ZNF335: variants seen among roughly 807,000 people sequenced by gnomAD.
ZNF335 encodes NRC-interacting factor 1.
ZNF335 carries 84 observed loss-of-function variants against 145.6 expected under a neutral mutation model. The observed-to-expected ratio is 0.58, with a 90% CI of 0.48 to 0.69. The LOEUF is 0.69. Ranked by LOEUF, ZNF335 falls within the 30% of genes least tolerant of loss-of-function variation. The pLI is 0.00. For missense variants in ZNF335, 1,865 were observed against 1,809.7 expected (o/e 1.03, Z -0.55); for synonymous variants, 761 against 717.0 (o/e 1.06, Z -0.98).
intron 17 of ZNF335, among the ~76,000 whole-genome samples, chr20:45,955,347 T>G (rs2083708971): frequency 4.7e-4 from 1 of 2,114 alleles, no homozygotes; most frequent in Non-Finnish European, 4.4e-3. Context: ...CAAGACTCTG[T>G]CTCAAAAAAA....
intron 18 of ZNF335, 122 bp downstream of exon 18, chr20:45,953,567 A>C (rs372183003): frequency 9.2e-6 from 12 of 1,303,440 alleles, no homozygotes; most frequent in Admixed American, 2.1e-5. Flanking sequence ...CTCCACCACT[A>C]ATCACTTGAT....
Position 45,952,525 on chromosome 20 carries a change from T to C in ZNF335, c.2815-4A>G. 6.3e-7 allele frequency: 1 copy of C among 1,595,544 alleles called. No individual in the cohort carries two copies. The highest frequency in any genetic ancestry group is 1.1e-5 in the South Asian group (1 of 88,244). ...AGATGGAGCCATCTGCGGTGAGCTG[T>C]AGAGAGACAGGGAGCATGAGGTACT... On this transcript the variant is annotated splice_region_variant and splice_polypyrimidine_tract_variant and intron_variant, in intron 19 of 27. Transcript: ENST00000322927.
At position 45,948,784 on chromosome 20, in the gene ZNF335, C is replaced by T. The variant is rs2083571917; in HGVS notation, c.*169G>A. ...GCACCCAGCATGTCCTGGCTGGGGC[C>T]CATGGCTGCCCCTAACCCCAACAGC... is the stretch of plus-strand genomic sequence containing the variant. On this transcript the variant is annotated 3_prime_UTR_variant, in exon 28 of 28. Coordinates refer to ENST00000322927, the MANE Select transcript of ZNF335 (RefSeq NM_022095.4). 9.4e-7 allele frequency: 1 copy of T among 1,061,802 alleles called. No homozygotes were observed. Among genetic ancestry groups the T allele is most frequent in the Non-Finnish European group, 1.4e-6 (1 of 733,260 alleles). 65.8% of individuals were successfully genotyped at this position (1,061,802 alleles called of 1,614,324 possible).
At chr20:45,957,739 C>T (rs1405309627) in intron 16 of ZNF335, 59 bp from the exon 17 acceptor site, 1 of 1,605,208 alleles carries the variant, frequency 6.2e-7, no homozygotes, top group Admixed American at 1.7e-5. Flanking sequence ...CCAATACCAC[C>T]CCCTCCCCAT....
intron 6 of ZNF335, 88 bp from the exon 7 acceptor site, chr20:45,965,862 C>T (rs2083943370): frequency 7.0e-7 from 1 of 1,424,096 alleles, no homozygotes; most frequent in African/African-American, 1.5e-5. Context: ...TTCCCTACCC[C>T]TGCATACTCC....
chr20:45,960,974 C>T (rs2083833172), intron 10 of ZNF335, 92 bp from the exon 11 acceptor site: 5 of 1,534,728 alleles, frequency 3.3e-6, no homozygotes, highest in Non-Finnish European at 3.5e-6. Context: ...CAGCTATGAG[C>T]CTACTCCCTG....
chr20:45,956,138 T>C (rs1338877231), intron 17 of ZNF335, among the ~76,000 whole-genome samples: 2 of 152,224 alleles, frequency 1.3e-5, no homozygotes, highest in Non-Finnish European at 2.9e-5. Flanking sequence ...GAAATTCTTC[T>C]GAACCCATTT....
chr20:45,972,090 G>A lies in ZNF335; in HGVS notation c.-51+32C>T, dbSNP rs763341444. 3.2e-5 allele frequency: 41 copies of A among 1,288,448 alleles called. No homozygotes were observed. In the African/African-American group the frequency reaches 5.3e-4, roughly 17 times the overall value. 79.8% of individuals were successfully genotyped at this position (1,288,448 alleles called of 1,614,324 possible). ...GTGACCTCACTCCACGGCAGGGTACGGTGGGGCCGCCTAACTCTACCCGAA... is the reference window on the plus strand; with the variant it reads ...GTGACCTCACTCCACGGCAGGGTACAGTGGGGCCGCCTAACTCTACCCGAA... On this transcript the variant is annotated intron_variant, in intron 1 of 27. Coordinates refer to ENST00000322927, the MANE Select transcript of ZNF335 (RefSeq NM_022095.4).
intron 17 of ZNF335, among the ~76,000 whole-genome samples, chr20:45,954,377 T>C (rs2083688882): frequency 6.6e-6 from 1 of 152,150 alleles, no homozygotes; most frequent in African/African-American, 2.4e-5. Flanking sequence ...GACAAATCAC[T>C]TAGAAAAAAG....
At chr20:45,967,209 C>G in intron 6 of ZNF335, 1 of 453,932 alleles carries the variant, frequency 2.2e-6, no homozygotes, top group East Asian at 4.1e-5. Context: ...TGATGCTACA[C>G]TCCAGTCTGA....
At chr20:45,956,227 CTTTT>C (rs1228543884) in intron 17 of ZNF335, among the ~76,000 whole-genome samples, 2 of 151,382 alleles carry the variant, frequency 1.3e-5, no homozygotes, top group Non-Finnish European at 3.0e-5. Flanking sequence ...TCATTTTTTT[CTTTT>C]TTTCTTTTTT....
At chr20:45,949,133 T>A in intron 27 of ZNF335, 37 bp downstream of exon 27, 1 of 1,613,418 alleles carries the variant, frequency 6.2e-7, no homozygotes, top group Non-Finnish European at 8.5e-7. Flanking sequence ...GCTGGGTCCA[T>A]ACCCAGCCCC....
chr20:45,963,340 A>C, intron 9 of ZNF335, 133 bp downstream of exon 9: 2 of 1,045,786 alleles, frequency 1.9e-6, no homozygotes, highest in Admixed American at 2.7e-5. Flanking sequence ...TGAGCCAGAC[A>C]CGCGTTCTGA....
Position 45,963,573 on chromosome 20 carries a change from T to C in ZNF335, c.1433A>G (p.Glu478Gly). ...RICGSRFLSH[E>G]DLRFHVNSHE... ...GGAGTTGACGTGGAAGCGCAGGTCC[T>C]CGTGGGACAGAAAGCGAGAACCACA... is the stretch of plus-strand genomic sequence containing the variant. Residue 478 changes from glutamate (E) to glycine (G), a missense_variant, in exon 9 of 28, where the codon GAG (glutamate) becomes GGG (glycine). Physicochemically the swap from Glu to Gly is moderately conservative, Grantham distance 98. Coordinates refer to ENST00000322927, the MANE Select transcript of ZNF335 (RefSeq NM_022095.4). 1.2e-6 allele frequency: 2 copies of C among 1,614,188 alleles called. No individual in the cohort carries two copies. The highest frequency in any genetic ancestry group is 1.3e-5 in the African/African-American group (1 of 75,030).
intron 7 of ZNF335, 53 bp downstream of exon 7, chr20:45,965,575 G>A (rs1367894767): frequency 1.3e-6 from 2 of 1,548,980 alleles, no homozygotes; most frequent in Non-Finnish European, 1.7e-6. Context: ...CAAGCAGGGA[G>A]AGAGGCCACT....
intron 22 of ZNF335, 50 bp from the exon 23 acceptor site, chr20:45,950,119 T>C: frequency 1.2e-6 from 2 of 1,609,020 alleles, no homozygotes; most frequent in Non-Finnish European, 1.7e-6. Context: ...AAACCTGCAA[T>C]GCCCCAGCTG....
rs2083594724 is a variant in ZNF335, at chr20:45,949,803, G to A, written c.3666C>T (p.Asn1222=). ...QTVQHLVTSD[N]QVQYIISQDG... ...TTAACAGTAGCTAGTAGCTCACCTG[G>A]TTGTCGGAGGTCACCAGGTGCTGTA... The change falls in exon 24 of 28, where the codon AAC becomes AAT. Residue 1222 remains asparagine, a synonymous_variant. Transcript: ENST00000322927. 6.2e-7 allele frequency: 1 copy of A among 1,614,100 alleles called. No homozygotes were observed. Among genetic ancestry groups the A allele is most frequent in the Non-Finnish European group, 8.5e-7 (1 of 1,180,002 alleles).
At chr20:45,968,460 TC>T in intron 3 of ZNF335, 98 bp from the exon 4 acceptor site, 1 of 1,118,032 alleles carries the variant, frequency 8.9e-7, no homozygotes, top group Non-Finnish European at 1.3e-6. Flanking sequence ...GCAGGGCTGG[TC>T]CACACTCATT....
rs768460372 is a variant in ZNF335 at position 45,952,710 on chromosome 20, C to T, written c.2703-1G>A. The T allele has an allele frequency of 1.2e-6, 2 of 1,613,454 alleles. No individual in the cohort carries two copies. The highest frequency in any genetic ancestry group is 1.7e-6 in the Non-Finnish European group (2 of 1,179,874). On this transcript the variant is annotated splice_acceptor_variant, in intron 18 of 27. Coordinates refer to ENST00000322927, the MANE Select transcript of ZNF335 (RefSeq NM_022095.4). LOFTEE classifies it high-confidence loss of function. ...GGCTGCCTCTCCTGCGGGCTCCTCG[C>T]TGTGGGCATGGAGAAGGTTCTAGGA... is the stretch of plus-strand genomic sequence containing the variant.
Sources: allele counts gnomAD v4.1 joint callset (sites outside exome capture counted in the v4.1 genomes callset), GRCh38; gene constraint gnomAD v4.1.1; transcripts MANE v1.5; gene names NCBI Gene and HGNC (gene_info 2026-07-23, HGNC 2026-07-21).